Variants in PTPRD observed in about 807,000 individuals in gnomAD.
PTPRD encodes the protein protein tyrosine phosphatase receptor type D.
A neutral mutation model predicts 214.5 loss-of-function variants in PTPRD; 34 were observed. That is an observed-to-expected ratio of 0.16 (90% CI 0.12 to 0.21). The LOEUF (loss-of-function observed/expected upper bound fraction) is 0.21, where lower values mean the gene tolerates loss of function less well. PTPRD is among the 10% of genes least tolerant of loss of function. The pLI is 1.00. For missense variants in PTPRD, 2,545 were observed against 2,398.7 expected (o/e 1.06, Z -1.27); for synonymous variants, 1,128 against 845.7 (o/e 1.33, Z -5.79).
intron 43 of PTPRD, among the ~76,000 whole-genome samples, chr9:8,338,001 C>G (rs562074833): frequency 1.3e-5 from 2 of 152,024 alleles, no homozygotes; most frequent in Non-Finnish European, 1.5e-5. Flanking sequence ...GTCACCTAGG[C>G]CAACCCTCCT....
At chr9:8,551,088 G>A (rs1487178178) in intron 14 of PTPRD, among the ~76,000 whole-genome samples, 1 of 152,072 alleles carries the variant, frequency 6.6e-6, no homozygotes, top group African/African-American at 2.4e-5. Flanking sequence ...CTTGGGGGTG[G>A]TTTTTGCTCA....
At chr9:8,774,751 C>G (rs1236138480) in intron 11 of PTPRD, among the ~76,000 whole-genome samples, 1 of 151,952 alleles carries the variant, frequency 6.6e-6, no homozygotes, top group Non-Finnish European at 1.5e-5. Context: ...TCAGGCTGGC[C>G]TCAAACTCCC....
chr9:8,474,411 C>A (rs1272810928), intron 30 of PTPRD, among the ~76,000 whole-genome samples: 1 of 152,098 alleles, frequency 6.6e-6, no homozygotes, highest in Non-Finnish European at 1.5e-5. Context: ...CTCTCAGATT[C>A]TTCAATTCTC....
At chr9:10,530,521 G>A (rs1331791674) in intron 2 of PTPRD, among the ~76,000 whole-genome samples, 3 of 152,024 alleles carry the variant, frequency 2.0e-5, no homozygotes, top group Non-Finnish European at 4.4e-5. Context: ...ATTATTGTCA[G>A]AAAAAGAAGT....
intron 5 of PTPRD, among the ~76,000 whole-genome samples, chr9:9,767,424 T>C (rs989774250): frequency 2.6e-5 from 4 of 152,020 alleles, no homozygotes; most frequent in Non-Finnish European, 5.9e-5. Flanking sequence ...ACTTGAGTAC[T>C]TTAAACATCA....
At chr9:9,262,047 C>A (rs1272712348) in intron 9 of PTPRD, among the ~76,000 whole-genome samples, 2 of 151,594 alleles carry the variant, frequency 1.3e-5, no homozygotes, top group South Asian at 4.2e-4. Flanking sequence ...TATTAAATTC[C>A]TTTATATGAG....
At chr9:9,804,785 G>T (rs749493410) in intron 5 of PTPRD, among the ~76,000 whole-genome samples, 21 of 151,510 alleles carry the variant, frequency 1.4e-4, no homozygotes, top group Admixed American at 2.6e-4. Flanking sequence ...TAAAATGTTT[G>T]ATTATAATCA....
chr9:10,430,187 A>C (rs1444130649), intron 2 of PTPRD, among the ~76,000 whole-genome samples: 1 of 151,956 alleles, frequency 6.6e-6, no homozygotes, highest in Admixed American at 6.6e-5. Context: ...CAGACTAAGA[A>C]ATTTAGAATA....
intron 10 of PTPRD, among the ~76,000 whole-genome samples, chr9:9,182,258 T>C (rs1178990672): frequency 6.6e-6 from 1 of 152,048 alleles, no homozygotes; most frequent in African/African-American, 2.4e-5. Flanking sequence ...ACCTTCTCCA[T>C]ATGCAGATAT....
Position 9,998,119 on chromosome 9 carries a change from A to ATAT in PTPRD, c.-472+35598_-472+35599insATA, listed in dbSNP as rs1566997370. On this transcript the variant is annotated intron_variant, in intron 4 of 45. Transcript: ENST00000381196. ...ACCCTAGAACTTAAAGTATAATAAA[A>ATAT]AAAAAAAAAAATATATATATATATA... is the stretch of plus-strand genomic sequence containing the variant. Among the ~76,000 whole-genome samples, 12 of 55,868 alleles carry ATAT rather than the reference A, an allele frequency of 2.1e-4. No individual in the cohort carries two copies. The East Asian group carries it at 2.7e-3, about 12-fold the overall frequency. 36.7% of individuals were successfully genotyped at this position (55,868 alleles called of 152,430 possible). A position where few individuals can be genotyped will look rare whatever the true frequency, so the allele number is the denominator to read the frequency against.
intron 9 of PTPRD, among the ~76,000 whole-genome samples, chr9:9,317,596 T>C (rs1963969556): frequency 6.6e-6 from 1 of 152,086 alleles, no homozygotes; most frequent in Non-Finnish European, 1.5e-5. Context: ...GTCTTCCTAC[T>C]CCCAGTCCTG....
intron 11 of PTPRD, among the ~76,000 whole-genome samples, chr9:8,978,799 A>G (rs1233020456): frequency 6.6e-6 from 1 of 152,170 alleles, no homozygotes; most frequent in African/African-American, 2.4e-5. Flanking sequence ...AGTGAGGCTC[A>G]GAAAACGAAA....
At chr9:9,321,930 C>A (rs907984778) in intron 9 of PTPRD, among the ~76,000 whole-genome samples, 2 of 152,220 alleles carry the variant, frequency 1.3e-5, no homozygotes, top group African/African-American at 4.8e-5. Flanking sequence ...TACTTTATCG[C>A]TCTCATTAAA....
rs146291380 is a variant in PTPRD at position 9,378,975 on chromosome 9, T to A, written c.-203+18474A>T. Among the ~76,000 whole-genome samples, 492 of 148,828 alleles carry A rather than the reference T, an allele frequency of 3.3e-3. 1 individual carries two copies. Among genetic ancestry groups the A allele is most frequent in the African/African-American group, 0.011 (461 of 40,764 alleles). ...GGCTTATCTTCTCATTCTCTTGACA[T>A]TGTATTTGAAAATCAGAAGTTTTTT... is the stretch of plus-strand genomic sequence containing the variant. On this transcript the variant is annotated intron_variant, in intron 9 of 45. Transcript: ENST00000381196.
At chr9:9,947,427 A>T (rs1355177172) in intron 4 of PTPRD, among the ~76,000 whole-genome samples, 6 of 31,896 alleles carry the variant, frequency 1.9e-4, no homozygotes, top group African/African-American at 1.4e-3. Flanking sequence ...TATATATATT[A>T]TATATATATT....
chr9:9,576,120 T>C (rs1314937371), intron 7 of PTPRD, among the ~76,000 whole-genome samples: 1 of 152,178 alleles, frequency 6.6e-6, no homozygotes, highest in Non-Finnish European at 1.5e-5. Context: ...TGGTACTGTT[T>C]TGGGAGACTG....
At chr9:9,198,756 A>C (rs1015275881) in intron 9 of PTPRD, among the ~76,000 whole-genome samples, 1 of 152,204 alleles carries the variant, frequency 6.6e-6, no homozygotes, top group Admixed American at 6.5e-5. Context: ...GAGTGTCCAT[A>C]ATCAGTGTCT....
At chr9:10,552,932 C>T (rs1322307) in intron 2 of PTPRD, among the ~76,000 whole-genome samples, 27,860 of 152,160 alleles carry the variant, frequency 0.18, 2,925 homozygotes, top group Admixed American at 0.27. Flanking sequence ...TGGAGATTCA[C>T]GTTGCTTGAT....
intron 2 of PTPRD, among the ~76,000 whole-genome samples, chr9:10,375,485 C>G (rs368471654): frequency 1.3e-5 from 2 of 151,946 alleles, no homozygotes; most frequent in Admixed American, 6.6e-5. Flanking sequence ...GAGAAGATAT[C>G]TGAAATGTAT....
Sources: allele counts gnomAD v4.1 joint callset (sites outside exome capture counted in the v4.1 genomes callset), GRCh38; gene constraint gnomAD v4.1.1; transcripts MANE v1.5; gene names NCBI Gene and HGNC (gene_info 2026-07-23, HGNC 2026-07-21).